The following GSG1L variants were observed in gnomAD, a reference collection of about 807,000 sequenced individuals.
GSG1L encodes germ cell-specific gene 1-like protein.
GSG1L carries 24 observed loss-of-function variants against 42.1 expected under a neutral mutation model. The ratio of observed to expected loss-of-function variants is 0.57; its 90% CI spans 0.41 to 0.80. The LOEUF (loss-of-function observed/expected upper bound fraction) is 0.80, where lower values mean the gene tolerates loss of function less well. Among genes scored for constraint, GSG1L ranks in the 30% least tolerant of loss-of-function variants. The pLI is 0.00. For missense variants in GSG1L, 445 were observed against 472.2 expected (o/e 0.94, Z 0.53); for synonymous variants, 215 against 203.5 (o/e 1.06, Z -0.48).
intron 2 of GSG1L, among the ~76,000 whole-genome samples, chr16:27,926,363 C>G (rs13339017): frequency 0.027 from 4,071 of 152,202 alleles, 199 homozygotes; most frequent in African/African-American, 0.093. Flanking sequence ...TGGGTGGAGG[C>G]GGCAGACAAC....
chr16:27,927,445 G>A (rs1486616215), intron 2 of GSG1L, among the ~76,000 whole-genome samples: 3 of 152,126 alleles, frequency 2.0e-5, no homozygotes, highest in African/African-American at 4.8e-5. Flanking sequence ...TTCAGAGGGA[G>A]GAAAGATGCC....
chr16:27,821,776 C>T (rs1019132770), intron 5 of GSG1L, among the ~76,000 whole-genome samples: 5 of 151,982 alleles, frequency 3.3e-5, no homozygotes, highest in Non-Finnish European at 7.4e-5. Context: ...TGGTGGCGGG[C>T]ACCTGTAGTC....
chr16:27,884,571 G>A lies in GSG1L; in HGVS notation c.465C>T (p.Leu155=), dbSNP rs747610880. 8 of 1,613,234 alleles carry A rather than the reference G, an allele frequency of 5.0e-6. No homozygotes were observed. Among genetic ancestry groups the A allele is most frequent in the Non-Finnish European group, 5.9e-6 (7 of 1,179,704 alleles). The part of the protein sequence containing the change: ...YILLLVVGFS[L]MCLELFHSSN... ...TGGAGTGGAAGAGCTCGAGACACAT[G>A]AGGCTGAAGCCAACCACCAGCAGCA... Residue 155 remains leucine (L), a synonymous_variant, in exon 3 of 7, where the codon CTC becomes CTT. Coordinates refer to ENST00000447459, the MANE Select transcript of GSG1L (RefSeq NM_001109763.2). This position sits in a 1 kb window ranked among gnomAD's most constrained non-coding sequence, Gnocchi z 4.4.
Position 27,789,149 on chromosome 16 carries a change from A to G in GSG1L, c.*2221T>C, listed in dbSNP as rs2082723275. 6.6e-6 allele frequency: 1 copy of G among 152,214 alleles called. No homozygotes were observed. Among genetic ancestry groups the G allele is most frequent in the South Asian group, 2.1e-4 (1 of 4,824 alleles). The allele number at this position is 152,214 out of a possible 1,614,324, so 9.4% of individuals were successfully genotyped here. A position where few individuals can be genotyped will look rare whatever the true frequency, so the allele number is the denominator to read the frequency against. On this transcript the variant is annotated 3_prime_UTR_variant, in exon 7 of 7. Transcript: ENST00000447459. Reference sequence around the variant, plus strand: ...GATGGATAGATGGATGGATGAATGGATGGATAATTGATGGATGATGGATAG... The same window carrying G: ...GATGGATAGATGGATGGATGAATGGGTGGATAATTGATGGATGATGGATAG...
rs1241618123 is a variant in GSG1L, at chr16:28,040,298, T to C, written c.349+22778A>G. ...CAGATCTCCACAGGGAGGCTCCTTT[T>C]TGACATTCCATTCTCAAGAGAAATG... On this transcript the variant is annotated intron_variant, in intron 1 of 6. Coordinates refer to ENST00000447459, the MANE Select transcript of GSG1L (RefSeq NM_001109763.2). This position sits in a 1 kb window ranked among gnomAD's most constrained non-coding sequence, Gnocchi z 4.1. Among the ~76,000 whole-genome samples, 1 of 152,162 alleles carries C rather than the reference T, an allele frequency of 6.6e-6. No individual in the cohort carries two copies. The highest frequency in any genetic ancestry group is 1.5e-5 in the Non-Finnish European group (1 of 68,028).
At chr16:28,007,379 C>A (rs966840438) in intron 1 of GSG1L, among the ~76,000 whole-genome samples, 1 of 152,022 alleles carries the variant, frequency 6.6e-6, no homozygotes, top group South Asian at 2.1e-4. Flanking sequence ...GGCAAGGAAA[C>A]CTCCTCCCTG....
intron 1 of GSG1L, among the ~76,000 whole-genome samples, chr16:28,061,565 T>C (rs753382731): frequency 6.6e-6 from 1 of 152,170 alleles, no homozygotes; most frequent in African/African-American, 2.4e-5. Context: ...CAAATGTTTA[T>C]TGAAGACCTA....
chr16:28,032,362 T>C (rs1269915640), intron 1 of GSG1L, among the ~76,000 whole-genome samples: 2 of 152,096 alleles, frequency 1.3e-5, no homozygotes, highest in African/African-American at 4.8e-5. Context: ...AATTAGAAAA[T>C]TACAAAACGA....
chr16:27,923,396 G>A (rs749151011), intron 2 of GSG1L, among the ~76,000 whole-genome samples: 4 of 152,182 alleles, frequency 2.6e-5, no homozygotes, highest in Non-Finnish European at 4.4e-5. Flanking sequence ...CATGCTAAGA[G>A]CAAAGGGAGA....
At chr16:27,841,003 C>T (rs1185331186) in intron 4 of GSG1L, among the ~76,000 whole-genome samples, 4 of 152,150 alleles carry the variant, frequency 2.6e-5, no homozygotes, top group Admixed American at 2.6e-4. Flanking sequence ...CACCACCAAA[C>T]GTAAGAACAA....
At chr16:27,823,676 G>T (rs376804269) in intron 5 of GSG1L, among the ~76,000 whole-genome samples, 3 of 151,946 alleles carry the variant, frequency 2.0e-5, no homozygotes, top group Admixed American at 6.6e-5. Flanking sequence ...ACCCACTCAC[G>T]GTCTGTCTCT....
At chr16:27,920,897 T>C (rs2084516849) in intron 2 of GSG1L, among the ~76,000 whole-genome samples, 2 of 152,156 alleles carry the variant, frequency 1.3e-5, no homozygotes, top group East Asian at 1.9e-4. Context: ...GCTGGGAATA[T>C]GTTTAGTCGT....
At position 27,869,637 on chromosome 16, in the gene GSG1L, T is replaced by A. The variant is rs1567496101; in HGVS notation, c.550+14849A>T. 3.3e-5 allele frequency among the ~76,000 whole-genome samples: 3 copies of A among 91,402 alleles called. No homozygotes were observed. In the South Asian group the frequency reaches 1.3e-3, roughly 40 times the overall value. The allele number at this position is 91,402 out of a possible 152,430, so 60.0% of individuals were successfully genotyped here. On this transcript the variant is annotated intron_variant, in intron 3 of 6. Transcript: ENST00000447459. ...TCTCTCTCCTCTCTGCGTCTCCATCTCTCTCTCCTCTCTGTCTTCCTCCAT... is the reference window on the plus strand; with the variant it reads ...TCTCTCTCCTCTCTGCGTCTCCATCACTCTCTCCTCTCTGTCTTCCTCCAT...
At chr16:27,866,867 C>T (rs886203077) in intron 3 of GSG1L, among the ~76,000 whole-genome samples, 5 of 152,106 alleles carry the variant, frequency 3.3e-5, no homozygotes, top group African/African-American at 1.2e-4. Context: ...CCACCGAAAC[C>T]GGCCCTCACT....
chr16:27,819,250 AAAAAAAAAAAAAC>A (rs2083126938), intron 5 of GSG1L, among the ~76,000 whole-genome samples: 1 of 53,930 alleles, frequency 1.9e-5, no homozygotes, highest in South Asian at 4.2e-4. Flanking sequence ...CTCTGTCTTA[AAAAAAAAAAAAAC>A]AGACCTCTAG....
intron 2 of GSG1L, among the ~76,000 whole-genome samples, chr16:27,886,478 C>G (rs1372131133): frequency 6.6e-6 from 1 of 152,164 alleles, no homozygotes; most frequent in Non-Finnish European, 1.5e-5. Context: ...TAACGCCTGT[C>G]TTGCAGTGTT....
At chr16:27,807,664 T>G in intron 5 of GSG1L, 110 bp from the exon 6 acceptor site, 1 of 903,170 alleles carries the variant, frequency 1.1e-6, no homozygotes, top group South Asian at 1.6e-5. Flanking sequence ...GGAGAATATT[T>G]TGCAAAGTAA....
chr16:27,825,382 G>C (rs1046600831), intron 5 of GSG1L, among the ~76,000 whole-genome samples: 6 of 152,176 alleles, frequency 3.9e-5, no homozygotes, highest in Non-Finnish European at 8.8e-5. Flanking sequence ...TGAAAAAATA[G>C]AAATGGTGCC....
intron 1 of GSG1L, among the ~76,000 whole-genome samples, chr16:27,973,439 C>CAA (rs71140935): frequency 0.024 from 722 of 29,816 alleles, 115 homozygotes; most frequent in Non-Finnish European, 0.03. Context: ...GACCCCATCA[C>CAA]AAAAAAAAAA....
Sources: gnomAD v4.1 joint callset for allele counts (sites outside exome capture counted in the v4.1 genomes callset) on GRCh38, gnomAD v4.1.1 for gene constraint, Gnocchi (gnomAD v3.1) non-coding constraint, MANE v1.5 for transcripts, NCBI Gene and HGNC (gene_info 2026-07-23, HGNC 2026-07-21) for gene names.